Variants in PATJ observed in about 807,000 individuals in gnomAD.
The protein encoded by PATJ is PATJ crumbs cell polarity complex component, also known as inaD-like protein.
In PATJ, 190 loss-of-function variants were observed where a neutral mutation model predicts 224.9. The ratio of observed to expected loss-of-function variants is 0.84; its 90% CI spans 0.75 to 0.95. The LOEUF is 0.95. Among genes scored for constraint, PATJ ranks in the 40% least tolerant of loss-of-function variants. The pLI is 0.00. For synonymous variants in PATJ, 769 were observed against 820.3 expected, an observed-to-expected ratio of 0.94 and a Z score of 1.07; for missense variants, 2,121 against 2,270.3, an observed-to-expected ratio of 0.93 and a Z score of 1.34.
chr1:62,016,206 G>A (rs1284212857), intron 28 of PATJ, among the ~76,000 whole-genome samples: 3 of 152,172 alleles, frequency 2.0e-5, no homozygotes, highest in Non-Finnish European at 4.4e-5. Context: ...TTACCACTTA[G>A]GAAAGGTGAT....
chr1:61,961,586 A>G (rs1397151043), intron 27 of PATJ, among the ~76,000 whole-genome samples: 3 of 152,236 alleles, frequency 2.0e-5, no homozygotes, highest in Non-Finnish European at 4.4e-5. Context: ...AACACTTTAG[A>G]CAGGCCTGCT....
intron 8 of PATJ, among the ~76,000 whole-genome samples, chr1:61,789,060 G>A (rs1257759694): frequency 6.6e-6 from 1 of 152,180 alleles, no homozygotes; most frequent in Non-Finnish European, 1.5e-5. Flanking sequence ...TCTAATGCCA[G>A]CACTTTGGGA....
intron 30 of PATJ, 113 bp downstream of exon 30, chr1:62,038,162 T>A: frequency 1.6e-6 from 1 of 609,834 alleles, no homozygotes. Flanking sequence ...TCGTGGAAAA[T>A]TTCCCTAACC....
chr1:61,833,539 G>A (rs779536820), intron 16 of PATJ, 115 bp from the exon 17 acceptor site: 4 of 968,456 alleles, frequency 4.1e-6, no homozygotes, highest in East Asian at 2.8e-5. Flanking sequence ...GAAAAACTAC[G>A]CATGCCAAAG....
chr1:61,914,982 C>A (rs138515606), intron 26 of PATJ, among the ~76,000 whole-genome samples: 2 of 152,138 alleles, frequency 1.3e-5, no homozygotes, highest in Non-Finnish European at 2.9e-5. Context: ...GATCTTGCTG[C>A]TCTCGCCTGG....
intron 1 of PATJ, among the ~76,000 whole-genome samples, chr1:61,755,456 A>C (rs1490466197): frequency 1.3e-5 from 2 of 152,228 alleles, no homozygotes; most frequent in Admixed American, 1.3e-4. Context: ...AAATTGAGAT[A>C]CATGGCCAAC....
At chr1:61,964,981 G>A (rs1235270835) in intron 27 of PATJ, among the ~76,000 whole-genome samples, 9 of 151,328 alleles carry the variant, frequency 5.9e-5, no homozygotes, top group African/African-American at 2.2e-4. Flanking sequence ...GCGTGGTGGT[G>A]TGTGCCTGTA....
intron 17 of PATJ, among the ~76,000 whole-genome samples, chr1:61,848,527 A>G (rs1359563054): frequency 1.3e-5 from 2 of 152,054 alleles, no homozygotes; most frequent in Non-Finnish European, 2.9e-5. Flanking sequence ...CTTTGTACCC[A>G]GTTCCTCCTT....
At chr1:62,084,817 A>G (rs1659755795) in intron 33 of PATJ, among the ~76,000 whole-genome samples, 169 bp downstream of exon 33, 1 of 152,186 alleles carries the variant, frequency 6.6e-6, no homozygotes, top group Non-Finnish European at 1.5e-5. Flanking sequence ...AGTTTTTCTC[A>G]GTGTTTAATT....
intron 6 of PATJ, among the ~76,000 whole-genome samples, chr1:61,774,312 C>T (rs996760467): frequency 1.3e-5 from 2 of 151,842 alleles, no homozygotes; most frequent in Middle Eastern, 3.4e-3. Context: ...GAAAGAAAAA[C>T]TAAGTAATGA....
At position 61,977,246 on chromosome 1, in the gene PATJ, C is replaced by T. The variant is rs796959678; in HGVS notation, c.3671-12922C>T. Among the ~76,000 whole-genome samples the T allele has an allele frequency of 2.2e-4, 34 of 152,164 alleles. 1 individual carries two copies. The highest frequency in any genetic ancestry group is 7.7e-4 in the African/African-American group (32 of 41,430). On this transcript the variant is annotated intron_variant, in intron 27 of 43. Transcript: ENST00000642238. ...GGGATTACAGGCGTGTGCCACCACA[C>T]CCAGCTAATTTTTTTGTATTTGTAG...
intron 8 of PATJ, among the ~76,000 whole-genome samples, chr1:61,789,540 T>C (rs1013861462): frequency 2.0e-5 from 3 of 151,696 alleles, no homozygotes; most frequent in African/African-American, 4.8e-5. Flanking sequence ...CAGCCGGTCT[T>C]GGTGGCTCAT....
At chr1:62,084,051 C>T (rs929155937) in intron 32 of PATJ, among the ~76,000 whole-genome samples, 1 of 152,084 alleles carries the variant, frequency 6.6e-6, no homozygotes, top group African/African-American at 2.4e-5. Context: ...GCCAGGAGTC[C>T]GAGACCAGCC....
At chr1:62,080,142 T>C (rs767625826) in intron 32 of PATJ, among the ~76,000 whole-genome samples, 1 of 152,178 alleles carries the variant, frequency 6.6e-6, no homozygotes, top group Non-Finnish European at 1.5e-5. Context: ...TTGAGTAATA[T>C]CTCTTTAAAA....
In PATJ at chr1:61,774,694, C is replaced by T. The variant is rs200229658; in HGVS notation, c.721-512C>T. ...TTGTGTTATCTGGCCTAGCTTTGCC[C>T]TTATATTTTCTTTTTGCTTAAATGT... is the stretch of plus-strand genomic sequence containing the variant. On this transcript the variant is annotated intron_variant, in intron 6 of 43. Transcript: ENST00000642238. Among the ~76,000 whole-genome samples the T allele has an allele frequency of 3.3e-5, 5 of 152,274 alleles. No individual in the cohort carries two copies. The East Asian group carries it at 7.7e-4, about 23-fold the overall frequency.
At chr1:62,032,188 T>TATTCTC (rs1649450875) in intron 29 of PATJ, among the ~76,000 whole-genome samples, 1 of 152,056 alleles carries the variant, frequency 6.6e-6, no homozygotes. Flanking sequence ...CTTCCAGGCT[T>TATTCTC]ATTCTCTATT....
chr1:62,073,423 G>A (rs1260675486), intron 31 of PATJ: 10 of 561,118 alleles, frequency 1.8e-5, no homozygotes, highest in African/African-American at 2.0e-5. Flanking sequence ...AGGAGTTCCA[G>A]ACCAGACTGG....
intron 17 of PATJ, among the ~76,000 whole-genome samples, chr1:61,850,183 C>T (rs770403829): frequency 6.6e-6 from 1 of 152,266 alleles, no homozygotes; most frequent in Non-Finnish European, 1.5e-5. Context: ...AGCCTGTTTC[C>T]GCTGAACCAC....
At chr1:61,955,849 C>T (rs947526855) in intron 27 of PATJ, among the ~76,000 whole-genome samples, 1 of 152,170 alleles carries the variant, frequency 6.6e-6, no homozygotes, top group Admixed American at 6.5e-5. Flanking sequence ...TAATCCATTT[C>T]ATTAGTGAAG....
Sources: gnomAD v4.1 joint callset for allele counts (sites outside exome capture counted in the v4.1 genomes callset) on GRCh38, gnomAD v4.1.1 for gene constraint, MANE v1.5 for transcripts, NCBI Gene and HGNC (gene_info 2026-07-23, HGNC 2026-07-21) for gene names.